DHRSX: variants seen among roughly 807,000 people sequenced by gnomAD.
DHRSX encodes dehydrogenase/reductase X-linked.
A neutral mutation model predicts 34.0 loss-of-function variants in DHRSX; 31 were observed. The ratio of observed to expected loss-of-function variants is 0.91; its 90% CI spans 0.69 to 1.23. The LOEUF (loss-of-function observed/expected upper bound fraction) is 1.23. DHRSX is among the 50% of genes most tolerant of loss of function. The pLI, the probability that DHRSX is intolerant of heterozygous loss-of-function variation, is 0.00. For synonymous variants in DHRSX, 201 were observed against 183.8 expected, an observed-to-expected ratio of 1.09 and a Z score of -0.76; for missense variants, 414 against 428.1, an observed-to-expected ratio of 0.97 and a Z score of 0.29.
intron 1 of DHRSX, among the ~76,000 whole-genome samples, chrX:2,475,560 G>A (rs183517489): frequency 1.2e-4 from 18 of 151,782 alleles, no homozygotes; most frequent in African/African-American, 3.4e-4. Flanking sequence ...AGGGACCGCC[G>A]CCAGGTACAC....
Position 2,320,798 on chromosome X carries a change from G to A in DHRSX, c.287-29195C>T, listed in dbSNP as rs1288924186. On this transcript the variant is annotated intron_variant, in intron 3 of 6. Transcript: ENST00000334651. ...GACAGTCACTGCCAAGCCGCTTCGT[G>A]GATTGTCATTAGCTTCCAATGAGAA... 2.0e-5 allele frequency among the ~76,000 whole-genome samples: 3 copies of A among 151,666 alleles called. No individual in the cohort carries two copies. The East Asian group carries it at 5.9e-4, about 30-fold the overall frequency.
chrX:2,420,730 G>A (rs1488973797), intron 2 of DHRSX, among the ~76,000 whole-genome samples: 2 of 151,638 alleles, frequency 1.3e-5, no homozygotes, highest in Admixed American at 6.6e-5. Context: ...GCAACAGAGT[G>A]AGACTTCATG....
At chrX:2,495,285 T>A (rs1172470778) in intron 1 of DHRSX, among the ~76,000 whole-genome samples, 1 of 151,684 alleles carries the variant, frequency 6.6e-6, no homozygotes, top group Non-Finnish European at 1.5e-5. Flanking sequence ...TTATTATCAT[T>A]ATTCCTATTG....
chrX:2,382,729 CCAT>C (rs1460108727), intron 3 of DHRSX, among the ~76,000 whole-genome samples: 13 of 67,018 alleles, frequency 1.9e-4, no homozygotes, highest in South Asian at 5.1e-4. Context: ...ACCATCATCA[CCAT>C]CATCATCGCC....
rs62595536 is a variant in DHRSX at position 2,297,730 on chromosome X, A to T, written c.287-6127T>A. 5.0e-3 allele frequency among the ~76,000 whole-genome samples: 752 copies of T among 150,986 alleles called. 8 individuals carry two copies. The highest frequency in any genetic ancestry group is 0.017 in the African/African-American group (696 of 41,172). On this transcript the variant is annotated intron_variant, in intron 3 of 6. Coordinates refer to ENST00000334651, the MANE Select transcript of DHRSX (RefSeq NM_145177.3). ...CTGCCCAAAATGCTAGGATGACAGG[A>T]GTGCGGAGTTTTTTTTGTTTTGTCT...
chrX:2,345,867 C>G (rs1036792383), intron 3 of DHRSX, among the ~76,000 whole-genome samples: 7 of 152,054 alleles, frequency 4.6e-5, no homozygotes, highest in Middle Eastern at 6.3e-3. Context: ...CTGGTCTACC[C>G]CATACATCTT....
At chrX:2,467,703 G>C (rs959424857) in intron 1 of DHRSX, among the ~76,000 whole-genome samples, 4 of 152,140 alleles carry the variant, frequency 2.6e-5, no homozygotes, top group African/African-American at 9.7e-5. Context: ...AGCCGGACGT[G>C]GTGGCTCACA....
chrX:2,389,527 G>A (rs2043310835), intron 3 of DHRSX, among the ~76,000 whole-genome samples: 1 of 152,184 alleles, frequency 6.6e-6, no homozygotes, highest in Non-Finnish European at 1.5e-5. Flanking sequence ...CGGGCTGTGT[G>A]CTTGGCGTGC....
chrX:2,467,021 C>T (rs894115370), intron 1 of DHRSX, among the ~76,000 whole-genome samples: 27 of 149,790 alleles, frequency 1.8e-4, no homozygotes, highest in African/African-American at 5.9e-4. Flanking sequence ...GCCGAGATCG[C>T]GCCATTGCAC....
chrX:2,445,393 G>T (rs1393337966), intron 1 of DHRSX, among the ~76,000 whole-genome samples: 1 of 151,612 alleles, frequency 6.6e-6, no homozygotes, highest in Admixed American at 6.6e-5. Flanking sequence ...AACAAGGAGC[G>T]TTTCTTTGAC....
chrX:2,412,317 C>T (rs1408666529), intron 2 of DHRSX, among the ~76,000 whole-genome samples: 2 of 152,136 alleles, frequency 1.3e-5, no homozygotes, highest in Non-Finnish European at 2.9e-5. Context: ...CGCCTGACCT[C>T]GGGTGACCCG....
intron 3 of DHRSX, among the ~76,000 whole-genome samples, chrX:2,299,441 C>G (rs756618110): frequency 6.6e-6 from 1 of 152,162 alleles, no homozygotes; most frequent in Non-Finnish European, 1.5e-5. Context: ...ACACCACACC[C>G]TCCAATGCAG....
chrX:2,250,414 C>T (rs919076919), intron 5 of DHRSX, among the ~76,000 whole-genome samples: 12 of 151,912 alleles, frequency 7.9e-5, no homozygotes, highest in African/African-American at 2.9e-4. Flanking sequence ...TGGAGCATCC[C>T]GAGAGCTGCT....
At chrX:2,305,376 T>C (rs978517278) in intron 3 of DHRSX, among the ~76,000 whole-genome samples, 1 of 152,138 alleles carries the variant, frequency 6.6e-6, no homozygotes, top group Non-Finnish European at 1.5e-5. Flanking sequence ...ACAGGAATGC[T>C]TTTACACTGT....
chrX:2,331,436 G>GTTTTTTT (rs1159991841), intron 3 of DHRSX, among the ~76,000 whole-genome samples: 4,840 of 94,432 alleles, frequency 0.051, 702 homozygotes, highest in Non-Finnish European at 0.082. Flanking sequence ...AGGTTTTTTG[G>GTTTTTTT]TTTTTTTTTT....
At chrX:2,340,194 T>TG (rs2042623195) in intron 3 of DHRSX, among the ~76,000 whole-genome samples, 1 of 121,338 alleles carries the variant, frequency 8.2e-6, no homozygotes. Context: ...TGTCGAGGGG[T>TG]GGGGGGCTAG....
intron 3 of DHRSX, among the ~76,000 whole-genome samples, chrX:2,344,846 C>G (rs2042681345): frequency 7.5e-6 from 1 of 133,220 alleles, no homozygotes; most frequent in African/African-American, 2.9e-5. Context: ...ACATGTACCC[C>G]AGAACTTAAA....
chrX:2,417,386 A>C (rs2043708699), intron 2 of DHRSX, among the ~76,000 whole-genome samples: 1 of 152,150 alleles, frequency 6.6e-6, no homozygotes, highest in Non-Finnish European at 1.5e-5. Flanking sequence ...GATCTAACTC[A>C]ACCTGTCATC....
At chrX:2,386,563 C>T (rs1336588539) in intron 3 of DHRSX, among the ~76,000 whole-genome samples, 7 of 152,132 alleles carry the variant, frequency 4.6e-5, no homozygotes, top group South Asian at 2.1e-4. Context: ...AAAGTTCTGA[C>T]GGTTGAAATT....
Sources: allele counts gnomAD v4.1 joint callset (sites outside exome capture counted in the v4.1 genomes callset), GRCh38; gene constraint gnomAD v4.1.1; transcripts MANE v1.5; gene names NCBI Gene and HGNC (gene_info 2026-07-23, HGNC 2026-07-21).